The following APOOL variants were observed in gnomAD, a reference collection of about 807,000 sequenced individuals.
APOOL encodes MICOS complex subunit MIC27.
A neutral mutation model predicts 23.1 loss-of-function variants in APOOL; 12 were observed. That is an observed-to-expected ratio of 0.52 (90% confidence interval 0.33 to 0.84). APOOL has a LOEUF of 0.84. Among genes scored for constraint, APOOL ranks in the 40% least tolerant of loss-of-function variants. The pLI, the probability that APOOL is intolerant of heterozygous loss-of-function variation, is 0.02. For synonymous variants in APOOL, 77 were observed against 69.9 expected (o/e 1.10, Z -0.51); for missense variants, 212 against 199.6 (o/e 1.06, Z -0.37).
Position 85,087,576 on chromosome X carries a change from T to G in APOOL, c.719-14T>G. 3 of 1,180,194 alleles carry G rather than the reference T, an allele frequency of 2.5e-6. No homozygotes were observed. The highest frequency in any genetic ancestry group is 3.4e-6 in the Non-Finnish European group (3 of 879,257). On this transcript the variant is annotated splice_polypyrimidine_tract_variant and intron_variant, in intron 8 of 8. Coordinates refer to ENST00000373173, the MANE Select transcript of APOOL (RefSeq NM_198450.6). ...AAGTGACTAATTTTTCTTTTCATTT[T>G]AATACTTTATCAGGTGCAACCCAGT...
At chrX:85,018,684 A>AT (rs1921560145) in intron 1 of APOOL, among the ~76,000 whole-genome samples, 1 of 109,231 alleles carries the variant, frequency 9.2e-6, no homozygotes, top group Admixed American at 9.7e-5. Context: ...TCTCTTTTAC[A>AT]TTTTTATTTC....
At chrX:85,041,538 A>G (rs935417313) in intron 1 of APOOL, among the ~76,000 whole-genome samples, 1 of 111,504 alleles carries the variant, frequency 9.0e-6, no homozygotes, top group South Asian at 3.8e-4. Flanking sequence ...CCTCAGCACC[A>G]TGAATATGGT....
intron 1 of APOOL, among the ~76,000 whole-genome samples, chrX:85,029,071 A>G (rs1921943350): frequency 9.0e-6 from 1 of 111,640 alleles, no homozygotes; most frequent in African/African-American, 3.3e-5. Context: ...GCTGGATTAT[A>G]TGGTAGCTCA....
intron 6 of APOOL, among the ~76,000 whole-genome samples, chrX:85,072,672 C>T (rs775531764): frequency 8.1e-5 from 9 of 110,999 alleles, no homozygotes; most frequent in Non-Finnish European, 1.1e-4. Context: ...GTGGTGCATA[C>T]ATTATAGAAT....
intron 8 of APOOL, among the ~76,000 whole-genome samples, chrX:85,077,644 A>G (rs929010295): frequency 2.7e-5 from 3 of 111,490 alleles, no homozygotes; most frequent in African/African-American, 9.8e-5. Context: ...GGCTGGGTCA[A>G]ATGGTATTTC....
chrX:85,019,896 G>A (rs1921599683), intron 1 of APOOL, among the ~76,000 whole-genome samples: 1 of 112,042 alleles, frequency 8.9e-6, no homozygotes, highest in South Asian at 3.8e-4. Context: ...AGGCCCCAGG[G>A]AGTGGGGCAA....
chrX:85,082,378 A>T (rs1192007110), intron 8 of APOOL, among the ~76,000 whole-genome samples: 1 of 110,993 alleles, frequency 9.0e-6, no homozygotes, highest in African/African-American at 3.3e-5. Flanking sequence ...GGAATTTGCT[A>T]AAGGTCCACT....
intron 1 of APOOL, among the ~76,000 whole-genome samples, chrX:85,022,736 C>A (rs1372959838): frequency 3.6e-5 from 4 of 111,383 alleles, no homozygotes; most frequent in African/African-American, 1.3e-4. Context: ...GGAAGTCCTA[C>A]CTAGAGCAAT....
At chrX:85,030,041 A>G (rs1921983196) in intron 1 of APOOL, among the ~76,000 whole-genome samples, 2 of 112,342 alleles carry the variant, frequency 1.8e-5, no homozygotes, top group Non-Finnish European at 3.8e-5. Context: ...CATGATATGA[A>G]AAAGACATGC....
intron 1 of APOOL, among the ~76,000 whole-genome samples, chrX:85,007,707 G>A (rs1412789292): frequency 1.8e-5 from 2 of 111,279 alleles, no homozygotes; most frequent in East Asian, 5.7e-4. Flanking sequence ...ATGTATAATA[G>A]TAGTGTCAAA....
chrX:85,053,988 T>C (rs1176367697), intron 3 of APOOL, among the ~76,000 whole-genome samples: 4 of 111,826 alleles, frequency 3.6e-5, no homozygotes, highest in African/African-American at 6.5e-5. Flanking sequence ...TAATCAGATG[T>C]TGCTTCTAAA....
At chrX:85,057,094 G>T (rs28449548) in intron 5 of APOOL, among the ~76,000 whole-genome samples, 2,168 of 111,681 alleles carry the variant, frequency 0.019, 23 homozygotes, top group Non-Finnish European at 0.034. Context: ...ATGTGCCACG[G>T]TTTACTTTAT....
chrX:85,008,146 T>C (rs1015155088), intron 1 of APOOL, among the ~76,000 whole-genome samples: 1 of 111,855 alleles, frequency 8.9e-6, no homozygotes, highest in African/African-American at 3.3e-5. Context: ...GTATAACTGA[T>C]AAATAAAATG....
chrX:85,004,070 G>T (rs1253000250), intron 1 of APOOL, 143 bp downstream of exon 1: 6 of 760,388 alleles, frequency 7.9e-6, no homozygotes, highest in Admixed American at 2.5e-5. Flanking sequence ...AATCTTTATC[G>T]TTTGAAGCCT....
chrX:85,088,714 C>T lies in APOOL; in HGVS notation c.*1036C>T, dbSNP rs1008411417. The T allele has an allele frequency of 3.6e-5, 4 of 110,838 alleles. No homozygotes were observed. Among genetic ancestry groups the T allele is most frequent in the Non-Finnish European group, 7.6e-5 (4 of 52,949 alleles). 9.1% of individuals were successfully genotyped at this position (110,838 alleles called of 1,213,427 possible). A position where few individuals can be genotyped will look rare whatever the true frequency, so the allele number is the denominator to read the frequency against. On this transcript the variant is annotated 3_prime_UTR_variant, in exon 9 of 9. Coordinates refer to ENST00000373173, the MANE Select transcript of APOOL (RefSeq NM_198450.6). ...TTACCTCTTTTCAGCCATGCATCCC[C>T]CTTTTCTAAGACATGCTTCTCTTTG...
intron 5 of APOOL, among the ~76,000 whole-genome samples, chrX:85,064,060 T>C (rs1923344035): frequency 9.0e-6 from 1 of 111,020 alleles, no homozygotes; most frequent in Non-Finnish European, 1.9e-5. Flanking sequence ...AGAATGTTTT[T>C]CTGGCCTATT....
chrX:85,058,950 A>G (rs1295311172), intron 5 of APOOL, among the ~76,000 whole-genome samples: 5 of 109,350 alleles, frequency 4.6e-5, no homozygotes, highest in East Asian at 3.0e-4. Context: ...ATATGTATAC[A>G]TGTGCCATGT....
At chrX:85,048,763 G>T (rs1258092615) in intron 2 of APOOL, among the ~76,000 whole-genome samples, 1 of 111,980 alleles carries the variant, frequency 8.9e-6, no homozygotes, top group Non-Finnish European at 1.9e-5. Flanking sequence ...TGGTAAACTT[G>T]CAGCTAAACA....
In APOOL at chrX:85,092,111, T is replaced by C. The variant is rs1343912665; in HGVS notation, c.*4433T>C. The C allele has an allele frequency of 4.2e-6, 1 of 237,442 alleles. No individual in the cohort carries two copies. The highest frequency in any genetic ancestry group is 7.5e-6 in the Non-Finnish European group (1 of 133,129). The allele number at this position is 237,442 out of a possible 1,213,427, so 19.6% of individuals were successfully genotyped here. On this transcript the variant is annotated 3_prime_UTR_variant, in exon 9 of 9. Coordinates refer to ENST00000373173, the MANE Select transcript of APOOL (RefSeq NM_198450.6). ...ATTGTGAAAAGCACCTTAATTTTGA[T>C]GAAATATGATAGGTAAAAAATAGCG... is the stretch of plus-strand genomic sequence containing the variant.
Sources: allele counts gnomAD v4.1 joint callset (sites outside exome capture counted in the v4.1 genomes callset), GRCh38; gene constraint gnomAD v4.1.1; transcripts MANE v1.5; gene names NCBI Gene and HGNC (gene_info 2026-07-23, HGNC 2026-07-21).